RNF135: variants seen among roughly 807,000 people sequenced by gnomAD.
RNF135 encodes the protein ring finger protein 135.
Under a neutral mutation model 41.9 loss-of-function variants are expected in RNF135, and 46 were observed. The observed-to-expected ratio is 1.10, with a 90% confidence interval of 0.87 to 1.40. RNF135 has a LOEUF of 1.40. RNF135 is among the 40% of genes most tolerant of loss of function. The pLI is 0.00. For synonymous variants in RNF135, 238 were observed against 223.8 expected, an observed-to-expected ratio of 1.06 and a Z score of -0.57; for missense variants, 539 against 549.8, an observed-to-expected ratio of 0.98 and a Z score of 0.20.
Position 30,999,448 on chromosome 17 carries a change from G to C in RNF135, c.*257G>C. On this transcript the variant is annotated 3_prime_UTR_variant, in exon 5 of 5. Transcript: ENST00000328381. ...ACTTTTGAAGTTAATCCTTTTGTGT[G>C]ATACAGGATGAACTTGGGATGTTTG... 2.0e-6 allele frequency: 1 copy of C among 492,582 alleles called. No homozygotes were observed. Among genetic ancestry groups the C allele is most frequent in the Non-Finnish European group, 3.7e-6 (1 of 269,536 alleles). The allele number at this position is 492,582 out of a possible 1,614,324, so 30.5% of individuals were successfully genotyped here. A position where few individuals can be genotyped will look rare whatever the true frequency, so the allele number is the denominator to read the frequency against.
the RNF135 span, chr17:30,959,664 G>T: frequency 6.6e-6 from 1 of 152,024 alleles, no homozygotes; most frequent in African/African-American, 2.4e-5. Context: ...AATGCTAATT[G>T]GGTGTCCACA....
Position 30,971,163 on chromosome 17 carries a change from G to A in RNF135, c.90G>A (p.Trp30Ter). The change falls in exon 1 of 5, where the codon TGG (tryptophan) becomes TGA (stop). Residue 30 changes from tryptophan to a stop codon, truncating the protein, a stop_gained. Coordinates refer to ENST00000328381, the MANE Select transcript of RNF135 (RefSeq NM_032322.4). LOFTEE classifies it high-confidence loss of function. ...TCATCTGCCAGGGGCTGCTGGACTG[G>A]CCCGCCACGCTGCCCTGCGGCCACA... is the stretch of plus-strand genomic sequence containing the variant. ...GCIICQGLLD[W>*]PATLPCGHSF... 6.5e-7 allele frequency: 1 copy of A among 1,531,578 alleles called. No individual in the cohort carries two copies. Among genetic ancestry groups the A allele is most frequent in the East Asian group, 2.5e-5 (1 of 40,604 alleles). The allele number at this position is 1,531,578 out of a possible 1,614,324, so 94.9% of individuals were successfully genotyped here. A position where few individuals can be genotyped will look rare whatever the true frequency, so the allele number is the denominator to read the frequency against.
chr17:30,980,542 C>T (rs1479847878), intron 1 of RNF135, among the ~76,000 whole-genome samples: 4 of 138,802 alleles, frequency 2.9e-5, no homozygotes, highest in Non-Finnish European at 3.2e-5. Flanking sequence ...GGCTGCCGGG[C>T]GGAGACGCTC....
chr17:30,984,485 C>T (rs1031809392), intron 1 of RNF135, 132 bp from the exon 2 acceptor site: 2 of 903,342 alleles, frequency 2.2e-6, no homozygotes, highest in Admixed American at 4.0e-5. Flanking sequence ...TTTCTGGGTA[C>T]TCTATTGTAT....
In RNF135 at chr17:30,999,609, C is replaced by T. The variant is rs1323653742; in HGVS notation, c.*418C>T. 4.9e-6 allele frequency: 1 copy of T among 205,914 alleles called. No individual in the cohort carries two copies. The highest frequency in any genetic ancestry group is 1.1e-4 in the East Asian group (1 of 9,308). 12.8% of individuals were successfully genotyped at this position (205,914 alleles called of 1,614,324 possible). ...CTTGGGCCATGCAGTATCAGCTTGA[C>T]CTTGCAAGGTCAAGCTGAGGAGACT... On this transcript the variant is annotated 3_prime_UTR_variant, in exon 5 of 5. Transcript: ENST00000328381.
chr17:30,980,422 G>A (rs955707534), intron 1 of RNF135, among the ~76,000 whole-genome samples: 2 of 145,520 alleles, frequency 1.4e-5, no homozygotes, highest in African/African-American at 5.1e-5. Flanking sequence ...GGGCAGAGGG[G>A]CTCCTCACTT....
upstream of RNF135, chr17:30,969,211 C>G (rs1269294413): frequency 6.6e-6 from 1 of 152,170 alleles, no homozygotes; most frequent in Admixed American, 6.5e-5. Context: ...CCAGTGATTT[C>G]ATTTTTTAAG....
chr17:30,972,724 T>C (rs561991977), intron 1 of RNF135: 5 of 152,410 alleles, frequency 3.3e-5, no homozygotes, highest in African/African-American at 9.6e-5. Context: ...GTCAGAACTT[T>C]ATTCCTTTTA....
At chr17:30,996,012 G>C (rs1284885254) in intron 3 of RNF135, among the ~76,000 whole-genome samples, 1 of 150,732 alleles carries the variant, frequency 6.6e-6, no homozygotes, top group Non-Finnish European at 1.5e-5. Context: ...CCTGACCTCA[G>C]GTGATCCGCC....
intron 1 of RNF135, chr17:30,972,354 C>G (rs1025035419): frequency 6.6e-6 from 1 of 152,162 alleles, no homozygotes; most frequent in African/African-American, 2.4e-5. Context: ...ACCTCGTGAT[C>G]TGCCCGCCTC....
chr17:30,980,058 A>T (rs1488492153), intron 1 of RNF135: 2 of 114,596 alleles, frequency 1.7e-5, no homozygotes, highest in Non-Finnish European at 3.4e-5. Flanking sequence ...TCCCTCCCGG[A>T]CTGGGCGGCT....
intron 1 of RNF135, among the ~76,000 whole-genome samples, chr17:30,981,249 A>T (rs1244777902): frequency 4.1e-5 from 6 of 147,380 alleles, no homozygotes; most frequent in Non-Finnish European, 8.8e-5. Context: ...AATCGCAGGC[A>T]CTCGACAGGC....
intron 1 of RNF135, chr17:30,975,368 ACAC>A (rs1906354000): frequency 1.3e-6 from 1 of 748,498 alleles, no homozygotes; most frequent in South Asian, 1.4e-5. Context: ...GAGCCCAGGC[ACAC>A]ATCTGGATTA....
chr17:30,971,078 C>CGGGCCT lies in RNF135; in HGVS notation c.16_21dup (p.Leu6_Gly7dup), dbSNP rs776836622. 40 of 1,534,196 alleles carry CGGGCCT rather than the reference C, an allele frequency of 2.6e-5. No individual in the cohort carries two copies. The highest frequency in any genetic ancestry group is 3.4e-4 in the Middle Eastern group (2 of 5,812). On this transcript the variant is annotated inframe_insertion, in exon 1 of 5. Transcript: ENST00000328381. ...CGCCCCGGCCGCCTGTTGGCCATGGCGGGCCTGGGCCTGGGCTCCGCCGTT... is the reference window on the plus strand; with the variant it reads ...CGCCCCGGCCGCCTGTTGGCCATGGCGGGCCTGGGCCTGGGCCTGGGCTCCGCCGTT...
At chr17:30,961,068 A>G in the RNF135 span, among the ~76,000 whole-genome samples, 1 of 152,152 alleles carries the variant, frequency 6.6e-6, no homozygotes, top group Non-Finnish European at 1.5e-5. Flanking sequence ...ATTCTTTCAC[A>G]GCACATGATA....
At chr17:30,979,688 G>T (rs1409446550) in intron 1 of RNF135, among the ~76,000 whole-genome samples, 28 of 132,154 alleles carry the variant, frequency 2.1e-4, no homozygotes, top group African/African-American at 5.2e-4. Context: ...CCTCCCGGAC[G>T]GGGCGGCTGG....
rs202096059 is a variant in RNF135 at position 30,983,343 on chromosome 17, A to T, written c.373-1274A>T. 3.3e-3 allele frequency among the ~76,000 whole-genome samples: 104 copies of T among 31,762 alleles called. 3 individuals carry two copies. The highest frequency in any genetic ancestry group is 6.6e-3 in the African/African-American group (63 of 9,602). The allele number at this position is 31,762 out of a possible 152,430, so 20.8% of individuals were successfully genotyped here. ...TACATATATATATATATATATATAT[A>T]TATATATATATTTTTTTTTTTTTTT... On this transcript the variant is annotated intron_variant, in intron 1 of 4. Transcript: ENST00000328381.
chr17:30,975,336 A>G (rs1906349649), intron 1 of RNF135: 2 of 689,876 alleles, frequency 2.9e-6, no homozygotes, highest in Non-Finnish European at 5.3e-6. Flanking sequence ...TTAAAAAAAT[A>G]TTGCTACTTA....
the RNF135 span, among the ~76,000 whole-genome samples, chr17:30,963,013 T>C: frequency 6.6e-6 from 1 of 152,000 alleles, no homozygotes; most frequent in Non-Finnish European, 1.5e-5. Flanking sequence ...TCCCTAGCGG[T>C]TGACAATGTC....
Sources: allele counts gnomAD v4.1 joint callset (sites outside exome capture counted in the v4.1 genomes callset), GRCh38; gene constraint gnomAD v4.1.1; transcripts MANE v1.5; gene names NCBI Gene and HGNC (gene_info 2026-07-23, HGNC 2026-07-21).